The following PTPN11 variants were observed in gnomAD, a reference collection of about 807,000 sequenced individuals.
The protein encoded by PTPN11 is protein tyrosine phosphatase non-receptor type 11.
In PTPN11, 6 loss-of-function variants were observed where a neutral mutation model predicts 78.8. That is an observed-to-expected ratio of 0.08 (90% confidence interval 0.04 to 0.15). PTPN11 has a LOEUF of 0.15. Among genes scored for constraint, PTPN11 ranks in the 10% least tolerant of loss-of-function variants. The pLI, the probability that PTPN11 is intolerant of heterozygous loss-of-function variation, is 1.00. For synonymous variants in PTPN11, 221 were observed against 263.5 expected (o/e 0.84, Z 1.56); for missense variants, 386 against 744.8 (o/e 0.52, Z 5.61).
chr12:112,432,764 G>A (rs2037732311), intron 1 of PTPN11, among the ~76,000 whole-genome samples: 1 of 151,478 alleles, frequency 6.6e-6, no homozygotes. Flanking sequence ...AGAATCATTT[G>A]AACTCAGGAG....
chr12:112,458,312 G>A (rs770697639), intron 6 of PTPN11, among the ~76,000 whole-genome samples: 4 of 152,188 alleles, frequency 2.6e-5, no homozygotes, highest in Admixed American at 6.5e-5. Context: ...CTGGGCTCAC[G>A]CCATCCTCCC....
intron 1 of PTPN11, among the ~76,000 whole-genome samples, chr12:112,420,014 A>G (rs2037496857): frequency 6.6e-6 from 1 of 152,256 alleles, no homozygotes; most frequent in African/African-American, 2.4e-5. Flanking sequence ...TGTAAAGATG[A>G]GTAAACCGAG....
At chr12:112,483,872 G>A (rs2135909062) in intron 10 of PTPN11, among the ~76,000 whole-genome samples, 1 of 152,268 alleles carries the variant, frequency 6.6e-6, no homozygotes, top group African/African-American at 2.4e-5. Context: ...GGGGATGGCA[G>A]TGGAGTTGAG....
chr12:112,489,295 A>G lies in PTPN11; in HGVS notation c.1599+120A>G, dbSNP rs914819843. ...CAACTGTTTGATTTCGGAATGGGAA[A>G]CAAACTCCCAACTAAAAGGGCCTCT... is the stretch of plus-strand genomic sequence containing the variant. On this transcript the variant is annotated intron_variant, in intron 13 of 15. Transcript: ENST00000351677. 6.0e-5 allele frequency: 72 copies of G among 1,200,708 alleles called. No homozygotes were observed. In the South Asian group the frequency reaches 7.1e-4, roughly 12 times the overall value. The allele number at this position is 1,200,708 out of a possible 1,614,324, so 74.4% of individuals were successfully genotyped here.
At chr12:112,447,799 CTTT>C (rs77664062) in intron 2 of PTPN11, among the ~76,000 whole-genome samples, 2 of 131,704 alleles carry the variant, frequency 1.5e-5, no homozygotes, top group African/African-American at 2.8e-5. Context: ...CATGCCTGGC[CTTT>C]TTTTTTTTTT....
rs760178362 is a variant in PTPN11, at chr12:112,419,164, G to A, written c.14+39G>A. 13 of 1,483,838 alleles carry A rather than the reference G, an allele frequency of 8.8e-6. No individual in the cohort carries two copies. The South Asian group carries it at 1.7e-4, about 19-fold the overall frequency. The allele number at this position is 1,483,838 out of a possible 1,614,324, so 91.9% of individuals were successfully genotyped here. The stretch of plus-strand genomic sequence containing the variant: ...AGGGGCCCGGCGCGGGCCTCGGCCC[G>A]GCCACCGCCGCGTTCGGTTAGCCCC... On this transcript the variant is annotated intron_variant, in intron 1 of 15. Transcript: ENST00000351677.
At chr12:112,502,471 C>G (rs2038888122) in intron 14 of PTPN11, among the ~76,000 whole-genome samples, 1 of 152,180 alleles carries the variant, frequency 6.6e-6, no homozygotes, top group South Asian at 2.1e-4. Context: ...GCTGGCCAGG[C>G]ACGGTGGCTA....
intron 1 of PTPN11, among the ~76,000 whole-genome samples, chr12:112,433,430 T>C (rs1392327226): frequency 6.6e-6 from 1 of 152,210 alleles, no homozygotes; most frequent in African/African-American, 2.4e-5. Flanking sequence ...TCAGAACATA[T>C]TCCTGTTGTT....
chr12:112,442,873 T>TATAA (rs1566162801), intron 1 of PTPN11, among the ~76,000 whole-genome samples: 1 of 78,300 alleles, frequency 1.3e-5, no homozygotes, highest in Non-Finnish European at 2.4e-5. Flanking sequence ...TATATATATA[T>TATAA]ATATAAATTA....
chr12:112,505,688 G>A (rs1046803062), intron 15 of PTPN11, 137 bp from the exon 16 acceptor site: 4 of 149,360 alleles, frequency 2.7e-5, no homozygotes, highest in Admixed American at 1.3e-4. Context: ...AAAACTCAGT[G>A]TCAGTATTTC....
intron 6 of PTPN11, among the ~76,000 whole-genome samples, chr12:112,461,341 T>C (rs1002525432): frequency 2.0e-5 from 3 of 150,460 alleles, no homozygotes; most frequent in African/African-American, 4.8e-5. Context: ...TCTTTTTCTT[T>C]TTTTTTTTTT....
At chr12:112,479,038 T>C (rs1189397134) in intron 9 of PTPN11, among the ~76,000 whole-genome samples, 1 of 152,152 alleles carries the variant, frequency 6.6e-6, no homozygotes, top group Admixed American at 6.6e-5. Context: ...CTGGCCATGT[T>C]GTCTGTTTTA....
chr12:112,442,829 T>C (rs1333592601), intron 1 of PTPN11, among the ~76,000 whole-genome samples: 1 of 56,928 alleles, frequency 1.8e-5, no homozygotes, highest in Non-Finnish European at 3.2e-5. Flanking sequence ...TCTCTCTCTT[T>C]TTATATATAT....
chr12:112,451,918 C>T (rs1410244548), intron 3 of PTPN11, among the ~76,000 whole-genome samples: 1 of 152,102 alleles, frequency 6.6e-6, no homozygotes, highest in Non-Finnish European at 1.5e-5. Flanking sequence ...CTCTGTCACC[C>T]AGGCTGGAGT....
chr12:112,504,841 G>T lies in PTPN11; in HGVS notation c.*32+45G>T. On this transcript the variant is annotated intron_variant, in intron 15 of 15. Coordinates refer to ENST00000351677, the MANE Select transcript of PTPN11 (RefSeq NM_002834.5). The surrounding 1 kb of genome is among the most constrained non-coding windows in gnomAD (Gnocchi z 4.7). Reference sequence around the variant, plus strand: ...CTATTGGTTAATTGTTTATATAATTGGCAGTATTTTTAAGCAGGCAAGCAA... The same window carrying T: ...CTATTGGTTAATTGTTTATATAATTTGCAGTATTTTTAAGCAGGCAAGCAA... The T allele has an allele frequency of 7.9e-7, 1 of 1,267,158 alleles. No individual in the cohort carries two copies. Among genetic ancestry groups the T allele is most frequent in the South Asian group, 1.3e-5 (1 of 79,058 alleles). 78.5% of individuals were successfully genotyped at this position (1,267,158 alleles called of 1,614,324 possible). A position where few individuals can be genotyped will look rare whatever the true frequency, so the allele number is the denominator to read the frequency against.
rs538335097 is a variant in PTPN11, at chr12:112,480,611, C to T, written c.1093-1463C>T. On this transcript the variant is annotated intron_variant, in intron 9 of 15. Transcript: ENST00000351677. ...AACTCCTGGCCTCAAGTGATCCACC[C>T]GGCTTCCCAAAGTGCTGGGATTACA... Among the ~76,000 whole-genome samples the T allele has an allele frequency of 8.5e-5, 13 of 152,176 alleles. No homozygotes were observed. The South Asian group carries it at 2.5e-3, about 29-fold the overall frequency.
intron 1 of PTPN11, among the ~76,000 whole-genome samples, chr12:112,431,406 AAAAG>A (rs2037709916): frequency 6.6e-6 from 1 of 152,174 alleles, no homozygotes; most frequent in Non-Finnish European, 1.5e-5. Flanking sequence ...AAAAAACAAT[AAAAG>A]AAATAGATGT....
intron 2 of PTPN11, among the ~76,000 whole-genome samples, chr12:112,449,508 AAAAC>A (rs1004935735): frequency 1.2e-4 from 18 of 152,148 alleles, no homozygotes; most frequent in East Asian, 5.9e-4. Flanking sequence ...CTCTGTCTCA[AAAAC>A]AAACAAACAA....
chr12:112,472,907 T>A (rs751823249), intron 6 of PTPN11, 37 bp from the exon 7 acceptor site: 1 of 1,489,686 alleles, frequency 6.7e-7, no homozygotes, highest in South Asian at 1.1e-5. Flanking sequence ...CTGTGACTCT[T>A]TGACACGTAA....
Sources: gnomAD v4.1 joint callset for allele counts (sites outside exome capture counted in the v4.1 genomes callset) on GRCh38, gnomAD v4.1.1 for gene constraint, Gnocchi (gnomAD v3.1) non-coding constraint, MANE v1.5 for transcripts, NCBI Gene and HGNC (gene_info 2026-07-23, HGNC 2026-07-21) for gene names.